Variants in MSRA observed in about 807,000 individuals in gnomAD.
MSRA encodes methionine sulfoxide reductase A, also known as mitochondrial peptide methionine sulfoxide reductase.
Under a neutral mutation model 31.3 loss-of-function variants are expected in MSRA, and 54 were observed. The observed-to-expected ratio is 1.73, with a 90% CI of 1.39 to 2.17. The LOEUF (loss-of-function observed/expected upper bound fraction) is 2.17, where lower values mean the gene tolerates loss of function less well. MSRA is among the 30% of genes most tolerant of loss of function. The pLI, the probability that MSRA is intolerant of heterozygous loss-of-function variation, is 0.00. For synonymous variants in MSRA, 169 were observed against 116.5 expected (o/e 1.45, Z -2.90); for missense variants, 507 against 300.9 (o/e 1.69, Z -5.07).
chr8:10,356,409 C>T (rs1430663203), intron 5 of MSRA, among the ~76,000 whole-genome samples: 4 of 152,224 alleles, frequency 2.6e-5, no homozygotes, highest in African/African-American at 9.6e-5. Context: ...AGCCTCTCCT[C>T]CATCTGCCCC....
intron 5 of MSRA, among the ~76,000 whole-genome samples, chr8:10,402,609 G>A (rs374967463): frequency 1.4e-4 from 21 of 152,312 alleles, no homozygotes; most frequent in African/African-American, 3.6e-4. Context: ...CTGCTAGCTC[G>A]GGGAGAGGGA....
intron 2 of MSRA, among the ~76,000 whole-genome samples, chr8:10,210,057 G>A (rs1429803638): frequency 6.6e-6 from 1 of 152,162 alleles, no homozygotes; most frequent in African/African-American, 2.4e-5. Flanking sequence ...CCCTGGGCTA[G>A]GGTAGAGTAG....
At chr8:10,377,433 A>G (rs1805819000) in intron 5 of MSRA, among the ~76,000 whole-genome samples, 1 of 152,240 alleles carries the variant, frequency 6.6e-6, no homozygotes, top group African/African-American at 2.4e-5. Context: ...AGTGTATTAC[A>G]TAGTAATTAC....
chr8:10,275,973 C>A (rs528686028), intron 3 of MSRA, among the ~76,000 whole-genome samples: 1 of 152,342 alleles, frequency 6.6e-6, no homozygotes, highest in East Asian at 1.9e-4. Flanking sequence ...TGCTAAAAAC[C>A]TGTCCTCTGG....
intron 2 of MSRA, among the ~76,000 whole-genome samples, chr8:10,236,318 A>G (rs1220377684): frequency 6.6e-6 from 1 of 152,196 alleles, no homozygotes; most frequent in Non-Finnish European, 1.5e-5. Context: ...CAGAAAACTC[A>G]TTTGTACAGA....
At chr8:10,323,745 C>CGGGTGTGTGTGTGTGTGTGT (rs1802189351) in intron 5 of MSRA, among the ~76,000 whole-genome samples, 1 of 142,622 alleles carries the variant, frequency 7.0e-6, no homozygotes, top group Non-Finnish European at 1.5e-5. Context: ...GAATTAAATA[C>CGGGTGTGTGTGTGTGTGTGT]GTGTGTGTGT....
At chr8:10,108,448 CT>C (rs1220810588) in intron 1 of MSRA, among the ~76,000 whole-genome samples, 1 of 152,176 alleles carries the variant, frequency 6.6e-6, no homozygotes, top group Non-Finnish European at 1.5e-5. Flanking sequence ...AGTTACAGTC[CT>C]TGCGATAGTC....
chr8:10,158,702 G>GTT (rs113369500), intron 1 of MSRA, among the ~76,000 whole-genome samples: 3 of 152,020 alleles, frequency 2.0e-5, no homozygotes, highest in Non-Finnish European at 4.4e-5. Flanking sequence ...TTTGTGTACA[G>GTT]TTTTTTTTGT....
At chr8:10,144,971 G>A (rs1476221036) in intron 1 of MSRA, among the ~76,000 whole-genome samples, 3 of 151,820 alleles carry the variant, frequency 2.0e-5, no homozygotes, top group Non-Finnish European at 4.4e-5. Context: ...TGGGGGAGGG[G>A]GCATGTAGGA....
intron 5 of MSRA, among the ~76,000 whole-genome samples, chr8:10,411,990 TCACATTTCATAAA>T (rs1214773886): frequency 6.6e-6 from 1 of 152,232 alleles, no homozygotes; most frequent in East Asian, 1.9e-4. Context: ...TTGGTTTTTA[TCACATTTCATAAA>T]CTCAGAATAC....
intron 3 of MSRA, among the ~76,000 whole-genome samples, chr8:10,278,729 C>T (rs920115285): frequency 1.3e-5 from 2 of 152,184 alleles, no homozygotes; most frequent in African/African-American, 2.4e-5. Context: ...ATGGTAACTC[C>T]TAGAAGAAAG....
At chr8:10,279,287 T>C (rs1408642436) in intron 3 of MSRA, among the ~76,000 whole-genome samples, 1 of 152,156 alleles carries the variant, frequency 6.6e-6, no homozygotes, top group African/African-American at 2.4e-5. Flanking sequence ...TAATACAGAG[T>C]AGCTGACTCT....
At chr8:10,263,189 C>G (rs1175590272) in intron 3 of MSRA, among the ~76,000 whole-genome samples, 1 of 152,206 alleles carries the variant, frequency 6.6e-6, no homozygotes, top group Non-Finnish European at 1.5e-5. Flanking sequence ...TGGCTAAACT[C>G]AAAATCTTTA....
intron 1 of MSRA, 25 bp downstream of exon 1, chr8:10,054,683 G>A: frequency 3.4e-6 from 5 of 1,489,526 alleles, no homozygotes; most frequent in African/African-American, 1.4e-5. Flanking sequence ...CACGGAAGGC[G>A]CGGGCGGCGA....
At chr8:10,114,564 A>G (rs1170764077) in intron 1 of MSRA, among the ~76,000 whole-genome samples, 7 of 152,184 alleles carry the variant, frequency 4.6e-5, no homozygotes, top group Non-Finnish European at 2.9e-5. Flanking sequence ...TCTCATTCCA[A>G]GTGTGTGCAT....
intron 3 of MSRA, among the ~76,000 whole-genome samples, chr8:10,270,597 G>A (rs974252502): frequency 1.3e-5 from 2 of 152,206 alleles, no homozygotes; most frequent in African/African-American, 4.8e-5. Context: ...CAGGGCCACT[G>A]AAACCACGTC....
chr8:10,282,285 T>G (rs1799663826), intron 3 of MSRA, among the ~76,000 whole-genome samples: 1 of 152,218 alleles, frequency 6.6e-6, no homozygotes, highest in South Asian at 2.1e-4. Context: ...AGTGCAGAAA[T>G]CATTACTAAT....
At chr8:10,130,014 A>G (rs1801784440) in intron 1 of MSRA, among the ~76,000 whole-genome samples, 1 of 152,232 alleles carries the variant, frequency 6.6e-6, no homozygotes, top group African/African-American at 2.4e-5. Context: ...ATATGCTAGC[A>G]GTACCTACAT....
chr8:10,221,283 G>T (rs1488267071), intron 2 of MSRA, among the ~76,000 whole-genome samples: 2 of 152,116 alleles, frequency 1.3e-5, no homozygotes, highest in Non-Finnish European at 2.9e-5. Flanking sequence ...TTTGGTAACT[G>T]TATTGAAGTT....
Sources: gnomAD v4.1 joint callset for allele counts (sites outside exome capture counted in the v4.1 genomes callset) on GRCh38, gnomAD v4.1.1 for gene constraint, MANE v1.5 for transcripts, NCBI Gene and HGNC (gene_info 2026-07-23, HGNC 2026-07-21) for gene names.